The following TANK variants were observed in gnomAD, a reference collection of about 807,000 sequenced individuals.
TANK encodes TRAF family member associated NFKB activator.
A neutral mutation model predicts 43.6 loss-of-function variants in TANK; 15 were observed. That is an observed-to-expected ratio of 0.34 (90% CI 0.23 to 0.53). The LOEUF (loss-of-function observed/expected upper bound fraction) is 0.53. TANK is among the 20% of genes least tolerant of loss of function. The pLI is 0.94. For missense variants in TANK, 417 were observed against 498.6 expected (o/e 0.84, Z 1.56); for synonymous variants, 162 against 178.2 (o/e 0.91, Z 0.73).
In TANK at chr2:161,167,782, C is replaced by T. The variant is rs1198329248; in HGVS notation, c.-50+7296C>T. Reference sequence around the variant, plus strand: ...GGACTACAAATGCCCGCCACCACGACCGGCTAATTTTTTTGTATTTTTTAG... The same window carrying T: ...GGACTACAAATGCCCGCCACCACGATCGGCTAATTTTTTTGTATTTTTTAG... On this transcript the variant is annotated intron_variant, in intron 1 of 7. Transcript: ENST00000392749. Among the ~76,000 whole-genome samples the T allele has an allele frequency of 2.0e-5, 3 of 152,046 alleles. No individual in the cohort carries two copies. The East Asian group carries it at 5.8e-4, about 29-fold the overall frequency.
At chr2:161,180,252 C>A (rs1366976941) in intron 2 of TANK, 1 of 372,072 alleles carries the variant, frequency 2.7e-6, no homozygotes, top group Non-Finnish European at 3.7e-6. Context: ...TCAGTGAAAT[C>A]TTTAATGACT....
chr2:161,205,822 G>C (rs940860416), intron 4 of TANK, among the ~76,000 whole-genome samples: 2 of 151,988 alleles, frequency 1.3e-5, no homozygotes, highest in African/African-American at 4.8e-5. Context: ...ATTTTTTTTG[G>C]AAATGAAGTC....
At chr2:161,225,879 A>G (rs968337553) in intron 6 of TANK, among the ~76,000 whole-genome samples, 4 of 152,220 alleles carry the variant, frequency 2.6e-5, no homozygotes, top group East Asian at 3.8e-4. Context: ...GGTATTACAG[A>G]AACAAAATAA....
intron 1 of TANK, among the ~76,000 whole-genome samples, chr2:161,140,818 T>A (rs1683725030): frequency 6.6e-6 from 1 of 152,122 alleles, no homozygotes; most frequent in Non-Finnish European, 1.5e-5. Context: ...TAAGGGTTTT[T>A]TTTTAATGAA....
At chr2:161,154,079 T>C (rs962598754) in intron 1 of TANK, among the ~76,000 whole-genome samples, 1 of 152,034 alleles carries the variant, frequency 6.6e-6, no homozygotes, top group South Asian at 2.1e-4. Flanking sequence ...CATTCAAATA[T>C]GTATCTTGAA....
chr2:161,188,313 A>G (rs1031873900), intron 2 of TANK, among the ~76,000 whole-genome samples: 1 of 152,218 alleles, frequency 6.6e-6, no homozygotes, highest in East Asian at 1.9e-4. Context: ...GACTAAAAAA[A>G]GAGGGAAGAC....
chr2:161,221,682 C>T (rs1434337507), intron 4 of TANK, among the ~76,000 whole-genome samples: 2 of 149,846 alleles, frequency 1.3e-5, no homozygotes, highest in Non-Finnish European at 3.0e-5. Context: ...TTTTTTCCCC[C>T]AAGTAACATG....
At chr2:161,183,582 G>A (rs753063773) in intron 2 of TANK, among the ~76,000 whole-genome samples, 1 of 152,026 alleles carries the variant, frequency 6.6e-6, no homozygotes, top group Non-Finnish European at 1.5e-5. Context: ...TATCTGCTGT[G>A]GAAGAAGCCT....
chr2:161,202,362 T>G (rs375346233), intron 2 of TANK, among the ~76,000 whole-genome samples: 1 of 151,826 alleles, frequency 6.6e-6, no homozygotes, highest in Non-Finnish European at 1.5e-5. Context: ...GCTAATTTTT[T>G]GTATTTTTAG....
At chr2:161,165,589 A>G (rs760608466) in intron 1 of TANK, among the ~76,000 whole-genome samples, 5 of 152,188 alleles carry the variant, frequency 3.3e-5, no homozygotes, top group African/African-American at 4.8e-5. Flanking sequence ...CAAATCCTAG[A>G]GGATTGTAAT....
intron 4 of TANK, chr2:161,212,237 T>C (rs1019292760): frequency 1.7e-5 from 7 of 406,414 alleles, no homozygotes; most frequent in African/African-American, 1.5e-4. Context: ...ATTTTTGTAT[T>C]TTTAGTAGAG....
chr2:161,211,796 A>C lies in TANK; in HGVS notation c.327+7003A>C, dbSNP rs967063472. On this transcript the variant is annotated intron_variant, in intron 4 of 7. Coordinates refer to ENST00000392749, the MANE Select transcript of TANK (RefSeq NM_001199135.3). ...GCCAATGTAGGCTGGGGCTTAGAGA[A>C]CTGGAGAAAAACGTGTTTGTGTGTA... 25 of 985,316 alleles carry C rather than the reference A, an allele frequency of 2.5e-5. No individual in the cohort carries two copies. The African/African-American group carries it at 4.4e-4, about 17-fold the overall frequency. 61.0% of individuals were successfully genotyped at this position (985,316 alleles called of 1,614,324 possible). A position where few individuals can be genotyped will look rare whatever the true frequency, so the allele number is the denominator to read the frequency against.
upstream of TANK, among the ~76,000 whole-genome samples, chr2:161,156,886 GA>G (rs1684241632): frequency 6.6e-6 from 1 of 152,150 alleles, no homozygotes; most frequent in Non-Finnish European, 1.5e-5. Context: ...AACCATATAT[GA>G]AAAAGTAAAC....
chr2:161,179,567 G>A (rs763729332), intron 1 of TANK, 47 bp from the exon 2 acceptor site: 5 of 1,508,834 alleles, frequency 3.3e-6, no homozygotes, highest in Non-Finnish European at 4.5e-6. Context: ...TTAAAATGAG[G>A]TTTATGTAAC....
upstream of TANK, among the ~76,000 whole-genome samples, chr2:161,157,934 T>G (rs1372127158): frequency 2.0e-5 from 3 of 152,260 alleles, no homozygotes; most frequent in Non-Finnish European, 4.4e-5. Flanking sequence ...TCAGCCCGCC[T>G]TGGCCTCCCG....
At chr2:161,144,103 GT>G (rs1261985219) in intron 1 of TANK, among the ~76,000 whole-genome samples, 1 of 152,154 alleles carries the variant, frequency 6.6e-6, no homozygotes, top group African/African-American at 2.4e-5. Flanking sequence ...TTGCATAGAG[GT>G]GTTTATAGTA....
At chr2:161,204,634 A>G in intron 3 of TANK, 41 bp from the exon 4 acceptor site, 2 of 1,570,086 alleles carry the variant, frequency 1.3e-6, no homozygotes, top group Non-Finnish European at 8.6e-7. Flanking sequence ...TACCAAAAAT[A>G]AGGGTTTTCT....
At chr2:161,192,065 G>A (rs1685942379) in intron 2 of TANK, among the ~76,000 whole-genome samples, 1 of 152,150 alleles carries the variant, frequency 6.6e-6, no homozygotes, top group African/African-American at 2.4e-5. Context: ...TGGGATTACA[G>A]GTGTGAGCCA....
At chr2:161,157,380 C>T (rs1684255457), upstream of TANK, among the ~76,000 whole-genome samples, 3 of 152,198 alleles carry the variant, frequency 2.0e-5, no homozygotes, top group Admixed American at 2.0e-4. Context: ...TGAGCACAGC[C>T]TGCTCAACCA....
Sources: allele counts gnomAD v4.1 joint callset (sites outside exome capture counted in the v4.1 genomes callset), GRCh38; gene constraint gnomAD v4.1.1; transcripts MANE v1.5; gene names NCBI Gene and HGNC (gene_info 2026-07-23, HGNC 2026-07-21).